IMMP2L: variants seen among roughly 807,000 people sequenced by gnomAD.
The protein encoded by IMMP2L is mitochondrial inner membrane protease subunit 2.
Under a neutral mutation model 19.3 loss-of-function variants are expected in IMMP2L, and 18 were observed. The observed-to-expected ratio is 0.93, with a 90% CI of 0.64 to 1.38. The LOEUF is 1.38. IMMP2L is among the 40% of genes most tolerant of loss of function. IMMP2L has a pLI of 0.00. For synonymous variants in IMMP2L, 76 were observed against 73.0 expected (o/e 1.04, Z -0.21); for missense variants, 233 against 218.2 (o/e 1.07, Z -0.43).
intron 1 of IMMP2L, among the ~76,000 whole-genome samples, chr7:111,539,234 GAAA>G (rs1848281056): frequency 7.8e-6 from 1 of 128,206 alleles, no homozygotes; most frequent in Non-Finnish European, 1.7e-5. Context: ...AAGAAAGAAA[GAAA>G]GAAAGAAAGA....
chr7:110,779,954 A>G (rs980907717), intron 5 of IMMP2L, among the ~76,000 whole-genome samples: 1 of 151,900 alleles, frequency 6.6e-6, no homozygotes, highest in African/African-American at 2.4e-5. Context: ...GTTGGCTATA[A>G]AAGAAATAAA....
intron 3 of IMMP2L, among the ~76,000 whole-genome samples, chr7:111,396,272 T>C (rs1357363491): frequency 6.6e-6 from 1 of 152,126 alleles, no homozygotes; most frequent in Non-Finnish European, 1.5e-5. Context: ...TGCCCATCAA[T>C]GATAAACCGG....
At chr7:110,746,898 A>G (rs1266151147) in intron 5 of IMMP2L, among the ~76,000 whole-genome samples, 3 of 152,216 alleles carry the variant, frequency 2.0e-5, no homozygotes, top group Non-Finnish European at 4.4e-5. Context: ...AAAATAACTA[A>G]GATCAGTGCA....
intron 3 of IMMP2L, among the ~76,000 whole-genome samples, chr7:111,259,251 C>T (rs2010120766): frequency 6.6e-6 from 1 of 152,040 alleles, no homozygotes; most frequent in Non-Finnish European, 1.5e-5. Flanking sequence ...GGTGAGTGAA[C>T]CTGAAGGCCT....
At chr7:111,425,218 G>A (rs1835950655) in intron 3 of IMMP2L, among the ~76,000 whole-genome samples, 1 of 151,634 alleles carries the variant, frequency 6.6e-6, no homozygotes, top group Non-Finnish European at 1.5e-5. Context: ...AGTAAAGGGG[G>A]AAAAGTGAGA....
At chr7:110,731,039 G>C (rs537007662) in intron 5 of IMMP2L, among the ~76,000 whole-genome samples, 1 of 152,266 alleles carries the variant, frequency 6.6e-6, no homozygotes, top group Non-Finnish European at 1.5e-5. Context: ...CTAGAAAGAG[G>C]TATCAATTTA....
intron 3 of IMMP2L, among the ~76,000 whole-genome samples, chr7:111,261,360 C>T (rs1587107385): frequency 6.6e-6 from 1 of 152,202 alleles, no homozygotes; most frequent in Non-Finnish European, 1.5e-5. Context: ...GTGTATAGTA[C>T]AAATGAAATT....
chr7:110,949,862 TA>T (rs1362645861), intron 4 of IMMP2L, among the ~76,000 whole-genome samples: 1 of 152,192 alleles, frequency 6.6e-6, no homozygotes, highest in African/African-American at 2.4e-5. Context: ...TGGAAAGTTT[TA>T]AAAGTATTTA....
intron 3 of IMMP2L, among the ~76,000 whole-genome samples, chr7:111,004,573 C>CA: frequency 1.2e-5 from 1 of 86,714 alleles, no homozygotes; most frequent in South Asian, 2.9e-4. Flanking sequence ...CACCTCATTG[C>CA]AAAATAGATC....
At chr7:110,946,108 T>A (rs762223949) in intron 4 of IMMP2L, among the ~76,000 whole-genome samples, 1 of 152,236 alleles carries the variant, frequency 6.6e-6, no homozygotes, top group African/African-American at 2.4e-5. Flanking sequence ...AATTTCAGCA[T>A]GCATCAGAAT....
At chr7:111,111,890 G>C (rs1799249533) in intron 3 of IMMP2L, among the ~76,000 whole-genome samples, 1 of 147,524 alleles carries the variant, frequency 6.8e-6, no homozygotes, top group African/African-American at 2.5e-5. Context: ...ACAGGAAAAA[G>C]GAAATGCAAA....
intron 3 of IMMP2L, among the ~76,000 whole-genome samples, chr7:110,996,732 A>T (rs1212232469): frequency 6.6e-6 from 1 of 151,934 alleles, no homozygotes; most frequent in Non-Finnish European, 1.5e-5. Flanking sequence ...ATGCAATCGT[A>T]AGAAATGATA....
chr7:111,324,749 C>G (rs1219870700), intron 3 of IMMP2L, among the ~76,000 whole-genome samples: 1 of 151,840 alleles, frequency 6.6e-6, no homozygotes, highest in African/African-American at 2.4e-5. Flanking sequence ...CAACAACAAT[C>G]TGTTTATTGA....
At chr7:111,338,546 GA>G (rs1186757477) in intron 3 of IMMP2L, among the ~76,000 whole-genome samples, 1 of 152,036 alleles carries the variant, frequency 6.6e-6, no homozygotes, top group African/African-American at 2.4e-5. Context: ...ACAAGTTTAT[GA>G]AAAATAAATT....
intron 3 of IMMP2L, among the ~76,000 whole-genome samples, chr7:111,219,205 T>C (rs1247243529): frequency 6.6e-6 from 1 of 152,096 alleles, no homozygotes; most frequent in African/African-American, 2.4e-5. Flanking sequence ...AATGCCAAAT[T>C]ACTAAAAAAT....
chr7:111,457,624 C>T (rs1318645201), intron 3 of IMMP2L, among the ~76,000 whole-genome samples: 1 of 150,558 alleles, frequency 6.6e-6, no homozygotes, highest in Admixed American at 6.6e-5. Flanking sequence ...CTAGCTCTCC[C>T]CACAAAGTTA....
At chr7:111,383,476 A>G in intron 3 of IMMP2L, among the ~76,000 whole-genome samples, 1 of 152,120 alleles carries the variant, frequency 6.6e-6, no homozygotes, top group Non-Finnish European at 1.5e-5. Context: ...GAATGAGTGA[A>G]GAGTATTGGG....
intron 3 of IMMP2L, among the ~76,000 whole-genome samples, chr7:111,007,440 C>A (rs1413095188): frequency 6.6e-6 from 1 of 152,110 alleles, no homozygotes; most frequent in Non-Finnish European, 1.5e-5. Context: ...TTGATATGTG[C>A]ATGTCACTGG....
chr7:111,030,080 T>A (rs1310287614), intron 3 of IMMP2L, among the ~76,000 whole-genome samples: 1 of 152,146 alleles, frequency 6.6e-6, no homozygotes, highest in African/African-American at 2.4e-5. Flanking sequence ...TTCCAGCTCA[T>A]TACCACAAAA....
Sources: allele counts gnomAD v4.1 joint callset (sites outside exome capture counted in the v4.1 genomes callset), GRCh38; gene constraint gnomAD v4.1.1; transcripts MANE v1.5; gene names NCBI Gene and HGNC (gene_info 2026-07-23, HGNC 2026-07-21).